TRAPPC8: variants seen among roughly 807,000 people sequenced by gnomAD.
TRAPPC8 encodes the protein general sporulation gene 1 homolog.
A neutral mutation model predicts 174.3 loss-of-function variants in TRAPPC8; 54 were observed. The ratio of observed to expected loss-of-function variants is 0.31; its 90% CI spans 0.25 to 0.39. TRAPPC8 has a LOEUF of 0.39. Ranked by LOEUF, TRAPPC8 falls within the 10% of genes least tolerant of loss-of-function variation. TRAPPC8 has a pLI of 1.00. For missense variants in TRAPPC8, 1,531 were observed against 1,699.1 expected (o/e 0.90, Z 1.74); for synonymous variants, 630 against 579.9 (o/e 1.09, Z -1.24).
intron 12 of TRAPPC8, among the ~76,000 whole-genome samples, chr18:31,876,305 A>T (rs1568076248): frequency 6.6e-6 from 1 of 151,870 alleles, no homozygotes; most frequent in Non-Finnish European, 1.5e-5. Context: ...CCTGGCTATC[A>T]TGGTGAAACA....
At chr18:31,831,027 T>C (rs748863436) in intron 28 of TRAPPC8, 38 bp from the exon 29 acceptor site, 1 of 1,561,612 alleles carries the variant, frequency 6.4e-7, no homozygotes, top group Admixed American at 1.8e-5. Context: ...AGGATTTTTT[T>C]CTTTTTAATT....
intron 26 of TRAPPC8, among the ~76,000 whole-genome samples, chr18:31,845,804 G>C (rs2033370181): frequency 6.6e-6 from 1 of 152,044 alleles, no homozygotes; most frequent in Admixed American, 6.6e-5. Flanking sequence ...AATAATGGAG[G>C]TGGGGCCCTG....
intron 19 of TRAPPC8, among the ~76,000 whole-genome samples, chr18:31,862,700 T>C (rs1452682753): frequency 1.3e-5 from 2 of 152,072 alleles, no homozygotes; most frequent in Non-Finnish European, 1.5e-5. Flanking sequence ...CCCATCACCA[T>C]TTTCATGAGT....
In TRAPPC8 at chr18:31,841,311, T is replaced by C. The variant is rs1598588780; in HGVS notation, c.3838-1854A>G. 2.0e-5 allele frequency among the ~76,000 whole-genome samples: 3 copies of C among 152,226 alleles called. No individual in the cohort carries two copies. In the South Asian group the frequency reaches 6.2e-4, roughly 32 times the overall value. ...TGTTTTAAATTTTTTATCTTTCCAA[T>C]TGACAGCTTGTGGATATTTTGCTTT... On this transcript the variant is annotated intron_variant, in intron 26 of 28. Transcript: ENST00000283351.
chr18:31,836,911 G>A (rs575554865), intron 27 of TRAPPC8, among the ~76,000 whole-genome samples: 71 of 151,864 alleles, frequency 4.7e-4, no homozygotes, highest in Middle Eastern at 3.4e-3. Flanking sequence ...ACAGGTGCCC[G>A]CCACCACACC....
At chr18:31,922,310 T>C (rs1196734717) in intron 2 of TRAPPC8, among the ~76,000 whole-genome samples, 3 of 152,208 alleles carry the variant, frequency 2.0e-5, no homozygotes, top group Non-Finnish European at 4.4e-5. Context: ...TGGTAGCTTG[T>C]GGCTGGGCGT....
Position 31,852,340 on chromosome 18 carries a change from C to CG in TRAPPC8, c.3561+105_3561+106insC, listed in dbSNP as rs1568044785. ...AGACAGAGCAAGACCTTGTCTCCCCCCCAAAAAAAAGCGTTTGGGAATTAC... is the reference window on the plus strand; with the variant it reads ...AGACAGAGCAAGACCTTGTCTCCCCCGCCAAAAAAAAGCGTTTGGGAATTAC... On this transcript the variant is annotated intron_variant, in intron 24 of 28. Transcript: ENST00000283351. 101 of 1,274,170 alleles carry CG rather than the reference C, an allele frequency of 7.9e-5. 1 individual carries two copies. Among genetic ancestry groups the CG allele is most frequent in the South Asian group, 6.2e-4 (46 of 74,220 alleles). 78.9% of individuals were successfully genotyped at this position (1,274,170 alleles called of 1,614,324 possible).
At chr18:31,940,008 T>C (rs1330979341) in intron 1 of TRAPPC8, among the ~76,000 whole-genome samples, 2 of 152,220 alleles carry the variant, frequency 1.3e-5, no homozygotes, top group African/African-American at 4.8e-5. Flanking sequence ...ATATGGCTAC[T>C]GAGTACTTGA....
In TRAPPC8 at chr18:31,857,959, T is replaced by C. The variant is rs145263800; in HGVS notation, c.2769A>G (p.Thr923=). ...LLEVFFIHFP[T]GLLCGEIRKA... ...TTCGGATTTCTCCACAGAGAAGCCC[T>C]GTAGGAAAATGTATAAAGAACACCT... Residue 923 remains threonine, a synonymous_variant, in exon 20 of 29, where the codon ACA becomes ACG. Transcript: ENST00000283351. The C allele has an allele frequency of 1.3e-3, 2,059 of 1,609,772 alleles. No homozygotes were observed. The highest frequency in any genetic ancestry group is 2.6e-3 in the Admixed American group (153 of 59,052).
At chr18:31,882,213 T>C (rs188419268) in intron 12 of TRAPPC8, among the ~76,000 whole-genome samples, 66 of 152,274 alleles carry the variant, frequency 4.3e-4, no homozygotes, top group African/African-American at 1.6e-3. Flanking sequence ...ATGGTGCTCA[T>C]CAATGGTGGA....
In TRAPPC8 at chr18:31,866,906, T is replaced by C; in HGVS notation, c.2533A>G (p.Thr845Ala). Residue 845 changes from threonine to alanine, a missense_variant, in exon 18 of 29, where the codon ACT becomes GCT. Thr to Ala is a moderately conservative substitution (Grantham distance 58). Coordinates refer to ENST00000283351, the MANE Select transcript of TRAPPC8 (RefSeq NM_014939.5). ...HILGVVYNLG[T>A]IQGSMTVDGI... is the part of the protein sequence containing the mutation. ...TCTACTGTCATAGAGCCCTGAATAG[T>C]GCCAAGATTATAAACAACTCCCAGA... 3.1e-6 allele frequency: 5 copies of C among 1,613,762 alleles called. No individual in the cohort carries two copies. The highest frequency in any genetic ancestry group is 4.2e-6 in the Non-Finnish European group (5 of 1,179,812).
chr18:31,912,449 G>A (rs1037962716), intron 5 of TRAPPC8, among the ~76,000 whole-genome samples: 5 of 151,758 alleles, frequency 3.3e-5, no homozygotes, highest in East Asian at 1.9e-4. Context: ...CCAAGATCGC[G>A]CCATTGCACC....
chr18:31,902,120 G>A (rs555296816), intron 9 of TRAPPC8, among the ~76,000 whole-genome samples: 1 of 152,142 alleles, frequency 6.6e-6, no homozygotes, highest in Non-Finnish European at 1.5e-5. Flanking sequence ...TTGGAGGCCA[G>A]CCTTGTGAAC....
At chr18:31,891,070 A>G (rs1598683699) in intron 11 of TRAPPC8, 4 of 309,232 alleles carry the variant, frequency 1.3e-5, no homozygotes, top group East Asian at 1.4e-4. Context: ...AACATCTTCT[A>G]CCATGAAATA....
At chr18:31,864,535 A>G (rs1378015667) in intron 19 of TRAPPC8, 92 bp downstream of exon 19, 15 of 1,223,480 alleles carry the variant, frequency 1.2e-5, no homozygotes, top group African/African-American at 6.2e-5. Context: ...GTTCAATGTA[A>G]TATCAAAAAC....
intron 12 of TRAPPC8, chr18:31,883,505 GA>G: frequency 6.7e-6 from 1 of 150,242 alleles, no homozygotes; most frequent in East Asian, 1.9e-4. Context: ...AATTTCCAAA[GA>G]AAAAGGTCCA....
At chr18:31,844,137 G>C (rs950780194) in intron 26 of TRAPPC8, among the ~76,000 whole-genome samples, 24 of 152,098 alleles carry the variant, frequency 1.6e-4, no homozygotes, top group African/African-American at 5.8e-4. Flanking sequence ...CCTTTTATTG[G>C]AGAACAGTCA....
At chr18:31,900,781 T>A (rs2036386533) in intron 10 of TRAPPC8, 144 bp downstream of exon 10, 1 of 612,566 alleles carries the variant, frequency 1.6e-6, no homozygotes, top group African/African-American at 2.0e-5. Flanking sequence ...AAAGGTATAA[T>A]AAAACACTAA....
rs1431629654 is a variant in TRAPPC8 at position 31,901,141 on chromosome 18, T to C, written c.1390-116A>G. ...TTTTTTTTTTAACTGGATACACATG[T>C]ATAAACTTCATAGCCTAATGCAGAC... is the stretch of plus-strand genomic sequence containing the variant. On this transcript the variant is annotated intron_variant, in intron 9 of 28. Coordinates refer to ENST00000283351, the MANE Select transcript of TRAPPC8 (RefSeq NM_014939.5). 3.8e-6 allele frequency: 3 copies of C among 793,540 alleles called. No homozygotes were observed. The African/African-American group carries it at 5.5e-5, about 14-fold the overall frequency. The allele number at this position is 793,540 out of a possible 1,614,324, so 49.2% of individuals were successfully genotyped here.
Sources: allele counts gnomAD v4.1 joint callset (sites outside exome capture counted in the v4.1 genomes callset), GRCh38; gene constraint gnomAD v4.1.1; transcripts MANE v1.5; gene names NCBI Gene and HGNC (gene_info 2026-07-23, HGNC 2026-07-21).